Variants in INPP4B observed in about 807,000 individuals in gnomAD.
INPP4B encodes inositol polyphosphate-4-phosphatase type II B, also known as inositol polyphosphate 4-phosphatase type II.
Under a neutral mutation model 122.5 loss-of-function variants are expected in INPP4B, and 55 were observed. The observed-to-expected ratio is 0.45, with a 90% CI of 0.36 to 0.56. INPP4B has a LOEUF of 0.56. Among genes scored for constraint, INPP4B ranks in the 20% least tolerant of loss-of-function variants. The probability of loss-of-function intolerance (pLI) is 0.00; values close to 1 mark genes in which losing one functional copy is unlikely to be tolerated. For synonymous variants in INPP4B, 403 were observed against 388.7 expected, an observed-to-expected ratio of 1.04 and a Z score of -0.43; for missense variants, 1,000 against 1,097.7, an observed-to-expected ratio of 0.91 and a Z score of 1.26.
chr4:142,267,179 T>C (rs935669340), intron 10 of INPP4B, among the ~76,000 whole-genome samples: 2 of 152,204 alleles, frequency 1.3e-5, no homozygotes, highest in African/African-American at 2.4e-5. Flanking sequence ...AATTCCAATG[T>C]CATTTTTCAC....
intron 5 of INPP4B, chr4:142,423,774 C>T (rs1041777672): frequency 2.3e-6 from 1 of 427,072 alleles, no homozygotes; most frequent in Admixed American, 2.9e-5. Context: ...AAAAACAGAC[C>T]TTCTACAAGT....
chr4:142,518,740 C>T (rs1160394410), intron 2 of INPP4B: 1 of 152,180 alleles, frequency 6.6e-6, no homozygotes, highest in Non-Finnish European at 1.5e-5. Context: ...ACTCAAGTAG[C>T]TCAGTGGAAT....
At chr4:142,108,250 T>C in intron 22 of INPP4B, 60 bp from the exon 23 acceptor site, 1 of 830,132 alleles carries the variant, frequency 1.2e-6, no homozygotes, top group Non-Finnish European at 2.0e-6. Context: ...AAGTAACACA[T>C]TTTACCTTTC....
intron 18 of INPP4B, among the ~76,000 whole-genome samples, chr4:142,144,222 TAC>T (rs35496129): frequency 0.14 from 19,601 of 144,730 alleles, 1,346 homozygotes; most frequent in South Asian, 0.21. Context: ...AAATACAAGA[TAC>T]ACACACACAC....
In INPP4B at chr4:142,632,113, T is replaced by C. The variant is rs74756919; in HGVS notation, c.-191+93726A>G. Among the ~76,000 whole-genome samples the C allele has an allele frequency of 6.6e-3, 1,006 of 152,282 alleles. 14 individuals are homozygous for C. Among genetic ancestry groups the C allele is most frequent in the African/African-American group, 0.023 (959 of 41,566 alleles). ...TGTGTGACAACAACAAGGTTTGACA[T>C]GTTCTTACACTAAGGACAGTAAATT... On this transcript the variant is annotated intron_variant, in intron 2 of 25. Coordinates refer to ENST00000262992, the MANE Select transcript of INPP4B (RefSeq NM_001101669.3).
intron 1 of INPP4B, among the ~76,000 whole-genome samples, chr4:142,734,908 G>A (rs1056926311): frequency 6.6e-5 from 10 of 152,122 alleles, no homozygotes; most frequent in African/African-American, 2.4e-4. Flanking sequence ...GCCTCCCAAA[G>A]TGCTTGGATT....
intron 17 of INPP4B, among the ~76,000 whole-genome samples, chr4:142,147,838 T>C (rs1811615945): frequency 6.6e-6 from 1 of 152,144 alleles, no homozygotes. Flanking sequence ...ATAGATCACA[T>C]CATCATCTGC....
At chr4:142,155,239 C>G (rs1377450781) in intron 17 of INPP4B, among the ~76,000 whole-genome samples, 2 of 151,958 alleles carry the variant, frequency 1.3e-5, no homozygotes, top group Admixed American at 1.3e-4. Context: ...TTATTAAGAT[C>G]AGGACAATGG....
At chr4:142,469,271 A>G (rs1818376698) in intron 2 of INPP4B, among the ~76,000 whole-genome samples, 2 of 152,098 alleles carry the variant, frequency 1.3e-5, no homozygotes, top group Non-Finnish European at 2.9e-5. Flanking sequence ...AGCTCCCAAT[A>G]GCAGCTATAA....
At position 142,170,951 on chromosome 4, in the gene INPP4B, A is replaced by G. The variant is rs1825336653; in HGVS notation, c.1359+2681T>C. 2.6e-5 allele frequency among the ~76,000 whole-genome samples: 4 copies of G among 151,902 alleles called. No individual in the cohort carries two copies. The South Asian group carries it at 8.3e-4, about 31-fold the overall frequency. ...CTATCCATGTGCCTTGGTTCTCAGT[A>G]GCAGTAGAGATGATGTAAATTGCCT... On this transcript the variant is annotated intron_variant, in intron 16 of 25. Transcript: ENST00000262992.
At chr4:142,120,256 A>G (rs1796014946) in intron 21 of INPP4B, among the ~76,000 whole-genome samples, 1 of 152,092 alleles carries the variant, frequency 6.6e-6, no homozygotes, top group South Asian at 2.1e-4. Flanking sequence ...TTTTGTAGTA[A>G]TTTGTGAAGT....
At chr4:142,469,274 A>C (rs1350251610) in intron 2 of INPP4B, among the ~76,000 whole-genome samples, 1 of 152,104 alleles carries the variant, frequency 6.6e-6, no homozygotes, top group Non-Finnish European at 1.5e-5. Flanking sequence ...TCCCAATAGC[A>C]GCTATAATAA....
At chr4:142,323,827 T>A (rs1017909487) in intron 7 of INPP4B, among the ~76,000 whole-genome samples, 14 of 151,724 alleles carry the variant, frequency 9.2e-5, no homozygotes, top group Non-Finnish European at 1.9e-4. Flanking sequence ...CCTTTTTATG[T>A]GAGGCAAATG....
chr4:142,332,847 T>TAA (rs533319161), intron 7 of INPP4B, among the ~76,000 whole-genome samples: 4 of 123,434 alleles, frequency 3.2e-5, no homozygotes, highest in Admixed American at 8.2e-5. Flanking sequence ...TACTAAAAAT[T>TAA]AAAAAAAAAA....
At chr4:142,567,968 T>C (rs984966136) in intron 2 of INPP4B, among the ~76,000 whole-genome samples, 1 of 151,946 alleles carries the variant, frequency 6.6e-6, no homozygotes, top group Non-Finnish European at 1.5e-5. Context: ...AAATAGTTCA[T>C]GAGATTTGTT....
At position 142,644,678 on chromosome 4, in the gene INPP4B, G is replaced by T. The variant is rs142306968; in HGVS notation, c.-191+81161C>A. Among the ~76,000 whole-genome samples the T allele has an allele frequency of 2.7e-3, 400 of 146,668 alleles. 6 individuals carry two copies. The highest frequency in any genetic ancestry group is 0.019 in the East Asian group (95 of 5,008). On this transcript the variant is annotated intron_variant, in intron 2 of 25. Transcript: ENST00000262992. Reference sequence around the variant, plus strand: ...TTGAGAGGCTGAGGTGGGCTGGGCGGATCACCTAAGGTCAGAAATTCAAGA... The same window carrying T: ...TTGAGAGGCTGAGGTGGGCTGGGCGTATCACCTAAGGTCAGAAATTCAAGA...
intron 8 of INPP4B, among the ~76,000 whole-genome samples, chr4:142,310,801 G>A (rs28690915): frequency 0.015 from 2,221 of 151,818 alleles, 54 homozygotes; most frequent in African/African-American, 0.05. Flanking sequence ...AAATAATTGG[G>A]AAGAAATCTA....
At chr4:142,349,089 T>C (rs1781191505) in intron 7 of INPP4B, among the ~76,000 whole-genome samples, 1 of 152,060 alleles carries the variant, frequency 6.6e-6, no homozygotes. Flanking sequence ...ACATAGTCTG[T>C]TTAGTAGCCA....
At chr4:142,236,248 G>A (rs1230477344) in intron 12 of INPP4B, among the ~76,000 whole-genome samples, 2 of 152,116 alleles carry the variant, frequency 1.3e-5, no homozygotes, top group African/African-American at 4.8e-5. Context: ...GGTCTAGAAC[G>A]CAACCATGTT....
Sources: gnomAD v4.1 joint callset for allele counts (sites outside exome capture counted in the v4.1 genomes callset) on GRCh38, gnomAD v4.1.1 for gene constraint, MANE v1.5 for transcripts, NCBI Gene and HGNC (gene_info 2026-07-23, HGNC 2026-07-21) for gene names.